SLC25A26: variants seen among roughly 807,000 people sequenced by gnomAD.
The protein encoded by SLC25A26 is solute carrier family 25 member 26.
In SLC25A26, 36 loss-of-function variants were observed where a neutral mutation model predicts 37.8. The observed-to-expected ratio is 0.95, with a 90% confidence interval of 0.73 to 1.26. SLC25A26 has a LOEUF of 1.26. Among genes scored for constraint, SLC25A26 ranks in the 50% most tolerant of loss-of-function variants. The probability of loss-of-function intolerance (pLI) is 0.00; values close to 1 mark genes in which losing one functional copy is unlikely to be tolerated. For synonymous variants in SLC25A26, 129 were observed against 122.5 expected (o/e 1.05, Z -0.35); for missense variants, 390 against 331.1 (o/e 1.18, Z -1.38).
chr3:66,276,891 C>T (rs2074168342), intron 5 of SLC25A26, among the ~76,000 whole-genome samples: 2 of 148,180 alleles, frequency 1.3e-5, no homozygotes, highest in African/African-American at 2.5e-5. Context: ...CGCACAATGC[C>T]TGTATTTTAA....
In SLC25A26 at chr3:66,362,852, A is replaced by C; in HGVS notation, c.499-8A>C. On this transcript the variant is annotated splice_polypyrimidine_tract_variant and splice_region_variant and intron_variant, in intron 6 of 9. Coordinates refer to ENST00000354883, the MANE Select transcript of SLC25A26 (RefSeq NM_001379210.1). ...ATAACTTGTATTTTTCTTTCTCCTT[A>C]AACACAGGCCCTCTGGTCCTGGAGG... 1 of 1,586,806 alleles carries C rather than the reference A, an allele frequency of 6.3e-7. No individual in the cohort carries two copies. Among genetic ancestry groups the C allele is most frequent in the Non-Finnish European group, 8.6e-7 (1 of 1,165,990 alleles).
intron 5 of SLC25A26, among the ~76,000 whole-genome samples, chr3:66,338,636 C>A (rs1451757443): frequency 1.3e-5 from 2 of 151,996 alleles, no homozygotes; most frequent in Admixed American, 6.6e-5. Context: ...TCATTACTAT[C>A]TATTCCTAAA....
At chr3:66,290,922 C>T (rs541754294) in intron 5 of SLC25A26, among the ~76,000 whole-genome samples, 77 of 152,186 alleles carry the variant, frequency 5.1e-4, no homozygotes, top group African/African-American at 1.6e-3. Context: ...TGGTAGAATT[C>T]GGCTGTGAAT....
At chr3:66,139,425 C>G (rs1030231658) in intron 1 of SLC25A26, among the ~76,000 whole-genome samples, 1 of 152,170 alleles carries the variant, frequency 6.6e-6, no homozygotes, top group African/African-American at 2.4e-5. Context: ...TTTGCAATTT[C>G]CTTTTCCATA....
intron 1 of SLC25A26, among the ~76,000 whole-genome samples, chr3:66,180,407 AC>A (rs1391076736): frequency 3.9e-5 from 6 of 152,220 alleles, no homozygotes; most frequent in Non-Finnish European, 8.8e-5. Context: ...CCGCAGAGCA[AC>A]GGAAGTGATT....
intron 5 of SLC25A26, chr3:66,304,534 A>G (rs911476849): frequency 1.8e-5 from 8 of 454,574 alleles, no homozygotes; most frequent in African/African-American, 1.6e-4. Flanking sequence ...ATGCTGTTAT[A>G]CTGGTAAGCT....
intron 1 of SLC25A26, among the ~76,000 whole-genome samples, chr3:66,163,349 G>T (rs957937608): frequency 1.3e-5 from 2 of 152,090 alleles, no homozygotes; most frequent in Non-Finnish European, 2.9e-5. Context: ...CTGCAAGATT[G>T]ATATATTTTT....
At chr3:66,235,955 G>C (rs1447790604) in intron 1 of SLC25A26, among the ~76,000 whole-genome samples, 1 of 152,132 alleles carries the variant, frequency 6.6e-6, no homozygotes, top group Non-Finnish European at 1.5e-5. Flanking sequence ...TCTGTCACCT[G>C]TGCTGGAGTG....
intron 1 of SLC25A26, among the ~76,000 whole-genome samples, chr3:66,179,447 G>C (rs2070653538): frequency 6.6e-6 from 1 of 152,140 alleles, no homozygotes; most frequent in Non-Finnish European, 1.5e-5. Flanking sequence ...GGCAATGTAA[G>C]TCCAGCTAAC....
At chr3:66,290,079 A>G (rs1206058732) in intron 5 of SLC25A26, among the ~76,000 whole-genome samples, 1 of 152,184 alleles carries the variant, frequency 6.6e-6, no homozygotes, top group East Asian at 1.9e-4. Context: ...CCTTTATAGC[A>G]ATTGTGAATG....
At chr3:66,276,392 A>G (rs1326347856) in intron 5 of SLC25A26, among the ~76,000 whole-genome samples, 2 of 152,134 alleles carry the variant, frequency 1.3e-5, no homozygotes, top group Non-Finnish European at 2.9e-5. Flanking sequence ...ATTTTTCAGT[A>G]AATCCTAAGA....
chr3:66,352,448 T>TG (rs894445720), intron 6 of SLC25A26, among the ~76,000 whole-genome samples: 2 of 151,464 alleles, frequency 1.3e-5, no homozygotes, highest in African/African-American at 2.4e-5. Flanking sequence ...TTTTGTTTTT[T>TG]TTTTTGAGAT....
At chr3:66,328,924 C>T (rs1473320943) in intron 5 of SLC25A26, among the ~76,000 whole-genome samples, 2 of 152,096 alleles carry the variant, frequency 1.3e-5, no homozygotes, top group African/African-American at 2.4e-5. Context: ...ATTATTTTCT[C>T]CTGGCCAACC....
At chr3:66,325,611 A>G (rs2075817512) in intron 5 of SLC25A26, among the ~76,000 whole-genome samples, 1 of 152,162 alleles carries the variant, frequency 6.6e-6, no homozygotes, top group Non-Finnish European at 1.5e-5. Context: ...TGATTTATGA[A>G]TAGTAAGTAA....
Position 66,265,964 on chromosome 3 carries a change from T to C in SLC25A26, c.453+2585T>C, listed in dbSNP as rs1452513218. Among the ~76,000 whole-genome samples, 3 of 152,196 alleles carry C rather than the reference T, an allele frequency of 2.0e-5. No individual in the cohort carries two copies. The East Asian group carries it at 5.8e-4, about 29-fold the overall frequency. ...ATATTTACATGCCGGAGAATACTGGTTTTACATACAAACAGATAAAACACA... is the reference window on the plus strand; with the variant it reads ...ATATTTACATGCCGGAGAATACTGGCTTTACATACAAACAGATAAAACACA... On this transcript the variant is annotated intron_variant, in intron 5 of 9. Coordinates refer to ENST00000354883, the MANE Select transcript of SLC25A26 (RefSeq NM_001379210.1).
intron 1 of SLC25A26, among the ~76,000 whole-genome samples, chr3:66,143,934 G>A (rs1257800182): frequency 2.0e-5 from 3 of 152,090 alleles, no homozygotes; most frequent in Non-Finnish European, 4.4e-5. Context: ...AAACCAAGTG[G>A]GGAGTCCTTC....
chr3:66,175,397 G>C (rs1329805357), intron 1 of SLC25A26, among the ~76,000 whole-genome samples: 3 of 151,480 alleles, frequency 2.0e-5, no homozygotes, highest in Admixed American at 2.0e-4. Context: ...GCTAATTTTT[G>C]TATTTTTGGT....
intron 6 of SLC25A26, among the ~76,000 whole-genome samples, chr3:66,348,811 C>G (rs1273352822): frequency 6.6e-6 from 1 of 151,864 alleles, no homozygotes; most frequent in Non-Finnish European, 1.5e-5. Context: ...TTTACTGTTT[C>G]CTATGTGGTG....
chr3:66,372,740 C>G (rs1700414339), intron 9 of SLC25A26, among the ~76,000 whole-genome samples: 1 of 152,200 alleles, frequency 6.6e-6, no homozygotes, highest in Admixed American at 6.5e-5. Flanking sequence ...AAAACAGTCA[C>G]AGAAAAACCT....
Sources: gnomAD v4.1 joint callset for allele counts (sites outside exome capture counted in the v4.1 genomes callset) on GRCh38, gnomAD v4.1.1 for gene constraint, MANE v1.5 for transcripts, NCBI Gene and HGNC (gene_info 2026-07-23, HGNC 2026-07-21) for gene names.